Variants in ZNF138 observed in about 807,000 individuals in gnomAD.
The protein encoded by ZNF138 is zinc finger protein 138.
A neutral mutation model predicts 33.0 loss-of-function variants in ZNF138; 33 were observed. The observed-to-expected ratio is 1.00, with a 90% CI of 0.76 to 1.34. The LOEUF (loss-of-function observed/expected upper bound fraction) is 1.34. Among genes scored for constraint, ZNF138 ranks in the 40% most tolerant of loss-of-function variants. The pLI, the probability that ZNF138 is intolerant of heterozygous loss-of-function variation, is 0.00. For synonymous variants in ZNF138, 139 were observed against 120.4 expected, an observed-to-expected ratio of 1.15 and a Z score of -1.01; for missense variants, 360 against 370.8, an observed-to-expected ratio of 0.97 and a Z score of 0.24.
At chr7:64,794,781 C>A (rs1469710105) in intron 1 of ZNF138, among the ~76,000 whole-genome samples, 2 of 152,138 alleles carry the variant, frequency 1.3e-5, no homozygotes, top group African/African-American at 4.8e-5. Flanking sequence ...CTCCTCCCTG[C>A]GCAGTGACTG....
Position 64,813,991 on chromosome 7 carries a change from T to C in ZNF138, c.4-927T>C, listed in dbSNP as rs577414468. 8.0e-6 allele frequency: 9 copies of C among 1,121,748 alleles called. No homozygotes were observed. The South Asian group carries it at 1.9e-4, about 23-fold the overall frequency. The allele number at this position is 1,121,748 out of a possible 1,614,324, so 69.5% of individuals were successfully genotyped here. A position where few individuals can be genotyped will look rare whatever the true frequency, so the allele number is the denominator to read the frequency against. On this transcript the variant is annotated intron_variant, in intron 1 of 3. Coordinates refer to ENST00000307355, the MANE Select transcript of ZNF138 (RefSeq NM_001271639.2). ...CATCACATTTAATCTGGCAGCTGCC[T>C]TTCTATCTTAGGTTTCCTTTGCATA...
chr7:64,841,238 GTATTT>G, the ZNF138 span, among the ~76,000 whole-genome samples: 1 of 152,002 alleles, frequency 6.6e-6, no homozygotes, highest in Non-Finnish European at 1.5e-5. Context: ...CCAAAATTGT[GTATTT>G]TATTAGGACA....
At chr7:64,840,147 A>G in the ZNF138 span, among the ~76,000 whole-genome samples, 54 of 152,282 alleles carry the variant, frequency 3.5e-4, no homozygotes, top group Admixed American at 1.0e-3. Context: ...AGTCTTCACC[A>G]GAGTCCAATC....
At chr7:64,817,764 T>G (rs1041953719) in intron 3 of ZNF138, among the ~76,000 whole-genome samples, 1 of 152,122 alleles carries the variant, frequency 6.6e-6, no homozygotes, top group Admixed American at 6.5e-5. Context: ...ACGTTTTTAT[T>G]TTTTATTTTC....
the ZNF138 span, among the ~76,000 whole-genome samples, chr7:64,853,855 C>G: frequency 1.3e-5 from 2 of 151,748 alleles, no homozygotes; most frequent in African/African-American, 4.8e-5. Flanking sequence ...AATATTAAAA[C>G]ACAGGCAAAT....
At chr7:64,852,444 G>A in the ZNF138 span, 3 of 1,580,068 alleles carry the variant, frequency 1.9e-6, no homozygotes, top group Non-Finnish European at 2.6e-6. Flanking sequence ...GCCACTTGTG[G>A]TGCAATCTCG....
chr7:64,847,315 C>T, the ZNF138 span, among the ~76,000 whole-genome samples: 1 of 104,200 alleles, frequency 9.6e-6, no homozygotes, highest in Non-Finnish European at 1.8e-5. Context: ...TCTTCTAATA[C>T]ATATATATAT....
chr7:64,817,990 A>ATT (rs1788801096), intron 3 of ZNF138, among the ~76,000 whole-genome samples: 1 of 128,274 alleles, frequency 7.8e-6, no homozygotes, highest in South Asian at 2.6e-4. Context: ...ATTTATTATT[A>ATT]TTATTATTTT....
At chr7:64,853,342 C>T in the ZNF138 span, 40 of 1,575,770 alleles carry the variant, frequency 2.5e-5, no homozygotes, top group Admixed American at 2.2e-4. Flanking sequence ...TTAAAGGACT[C>T]CCATGTAGAT....
the ZNF138 span, among the ~76,000 whole-genome samples, chr7:64,846,536 GGTTGA>G: frequency 6.6e-6 from 1 of 152,138 alleles, no homozygotes; most frequent in Non-Finnish European, 1.5e-5. Context: ...TTATAAAAGG[GGTTGA>G]GTTCTTAATT....
At chr7:64,824,919 G>A (rs1226233235) in intron 3 of ZNF138, among the ~76,000 whole-genome samples, 1 of 150,746 alleles carries the variant, frequency 6.6e-6, no homozygotes, top group African/African-American at 2.4e-5. Context: ...CTGGCTCAAT[G>A]CAACCTCTGT....
At chr7:64,839,038 G>A in the ZNF138 span, among the ~76,000 whole-genome samples, 51 of 152,278 alleles carry the variant, frequency 3.3e-4, no homozygotes, top group African/African-American at 1.0e-3. Flanking sequence ...AGGGACTTGT[G>A]CCAGCGAAAA....
At chr7:64,842,512 G>A in the ZNF138 span, among the ~76,000 whole-genome samples, 1 of 152,306 alleles carries the variant, frequency 6.6e-6, no homozygotes, top group Non-Finnish European at 1.5e-5. Context: ...TTTTTAGTGA[G>A]TGAAGGTCAG....
rs2129017015 is a variant in ZNF138 at position 64,832,820 on chromosome 7, TAGAG to T, written c.*622_*625del. 6.7e-6 allele frequency: 3 copies of T among 449,662 alleles called. No homozygotes were observed. Among genetic ancestry groups the T allele is most frequent in the South Asian group, 5.2e-5 (3 of 57,886 alleles). The allele number at this position is 449,662 out of a possible 1,614,324, so 27.9% of individuals were successfully genotyped here. A position where few individuals can be genotyped will look rare whatever the true frequency, so the allele number is the denominator to read the frequency against. ...TTACTAAACACAAGAAGATTCATAC[TAGAG>T]AGAAACCCTACAAATGTGAAGAATG... On this transcript the variant is annotated 3_prime_UTR_variant, in exon 4 of 4. Transcript: ENST00000307355.
At position 64,825,578 on chromosome 7, in the gene ZNF138, T is replaced by C. The variant is rs547048783; in HGVS notation, c.209-5873T>C. On this transcript the variant is annotated intron_variant, in intron 3 of 3. Coordinates refer to ENST00000307355, the MANE Select transcript of ZNF138 (RefSeq NM_001271639.2). ...TTTTTTGAGACAGAGTATTGCTCTG[T>C]CGCCAAGCTGGAGTGCAGTGGCACA... 7.5e-5 allele frequency among the ~76,000 whole-genome samples: 11 copies of C among 147,530 alleles called. No homozygotes were observed. In the South Asian group the frequency reaches 2.4e-3, roughly 32 times the overall value.
At chr7:64,860,269 A>G in the ZNF138 span, among the ~76,000 whole-genome samples, 10 of 152,226 alleles carry the variant, frequency 6.6e-5, no homozygotes, top group Admixed American at 5.2e-4. Context: ...TACTTATTAT[A>G]CTTTTGTGGC....
intron 1 of ZNF138, among the ~76,000 whole-genome samples, chr7:64,802,878 T>A (rs570440495): frequency 6.6e-6 from 1 of 151,640 alleles, no homozygotes; most frequent in African/African-American, 2.4e-5. Flanking sequence ...CAAATGCATA[T>A]CTGATTGTTC....
chr7:64,796,214 G>C (rs899544081), intron 1 of ZNF138, among the ~76,000 whole-genome samples: 3 of 152,202 alleles, frequency 2.0e-5, no homozygotes, highest in African/African-American at 7.2e-5. Flanking sequence ...CCTTACCCCA[G>C]TGAGATGGTT....
chr7:64,794,749 C>G (rs1035157827), intron 1 of ZNF138, among the ~76,000 whole-genome samples, 178 bp downstream of exon 1: 1 of 152,206 alleles, frequency 6.6e-6, no homozygotes, highest in African/African-American at 2.4e-5. Flanking sequence ...GCTGGGCTGA[C>G]AGCCGGAACC....
Sources: allele counts gnomAD v4.1 joint callset (sites outside exome capture counted in the v4.1 genomes callset), GRCh38; gene constraint gnomAD v4.1.1; transcripts MANE v1.5; gene names NCBI Gene and HGNC (gene_info 2026-07-23, HGNC 2026-07-21).